Variants in RP1 observed in about 807,000 individuals in gnomAD.
RP1 encodes the protein oxygen-regulated protein 1.
RP1 carries 16 observed loss-of-function variants against 14.8 expected under a neutral mutation model. The ratio of observed to expected loss-of-function variants is 1.08; its 90% CI spans 0.73 to 1.65. The LOEUF (loss-of-function observed/expected upper bound fraction) is 1.65. RP1 is among the 40% of genes most tolerant of loss of function. RP1 has a pLI of 0.00. For synonymous variants in RP1, 876 were observed against 883.6 expected (o/e 0.99, Z 0.15); for missense variants, 2,631 against 2,535.0 (o/e 1.04, Z -0.81).
chr8:54,597,304 G>A (rs1336444932), intron 1 of RP1, among the ~76,000 whole-genome samples: 1 of 152,146 alleles, frequency 6.6e-6, no homozygotes, highest in Non-Finnish European at 1.5e-5. Flanking sequence ...TCCTATAGTT[G>A]TTATGAGGAT....
At chr8:54,759,567 G>A (rs1235280694) in intron 22 of RP1, among the ~76,000 whole-genome samples, 4 of 152,120 alleles carry the variant, frequency 2.6e-5, no homozygotes, top group Non-Finnish European at 4.4e-5. Flanking sequence ...CTAAATTCCT[G>A]ACCTGGCCCT....
Position 54,605,321 on chromosome 8 carries a change from T to C in RP1, c.-12-15634T>C, listed in dbSNP as rs183837146. On this transcript the variant is annotated intron_variant, in intron 1 of 22. Transcript: ENST00000636932. ...ACCCAGTAGTCATTCAGGAGCAGGT[T>C]GTTCAATTTCCATGTAGTTGAGCGG... Among the ~76,000 whole-genome samples the C allele has an allele frequency of 2.0e-3, 302 of 152,358 alleles. 3 individuals carry two copies. The highest frequency in any genetic ancestry group is 6.8e-3 in the African/African-American group (284 of 41,586).
chr8:54,726,300 C>A, intron 16 of RP1: 2 of 1,486,252 alleles, frequency 1.3e-6, no homozygotes, highest in Non-Finnish European at 1.8e-6. Flanking sequence ...TGAGAAGAAA[C>A]AAGTGATTTT....
intron 24 of RP1, among the ~76,000 whole-genome samples, chr8:54,808,228 G>A (rs1810906431): frequency 6.6e-6 from 1 of 152,188 alleles, no homozygotes; most frequent in Non-Finnish European, 1.5e-5. Context: ...CCTTCAAGAA[G>A]CCATTTACCC....
chr8:54,817,121 T>C (rs138402336), intron 24 of RP1, among the ~76,000 whole-genome samples: 168 of 152,276 alleles, frequency 1.1e-3, no homozygotes, highest in Non-Finnish European at 1.7e-3. Context: ...GTGTTCATTG[T>C]CTGTCTTGTC....
intron 1 of RP1, among the ~76,000 whole-genome samples, chr8:54,605,708 T>C (rs747105375): frequency 3.3e-5 from 5 of 152,214 alleles, no homozygotes; most frequent in Non-Finnish European, 7.3e-5. Flanking sequence ...ACTTGCTTTA[T>C]GAATCTGGGT....
intron 24 of RP1, among the ~76,000 whole-genome samples, chr8:54,806,210 G>T (rs920537027): frequency 6.6e-6 from 1 of 152,000 alleles, no homozygotes; most frequent in Non-Finnish European, 1.5e-5. Flanking sequence ...GTAGAAACGG[G>T]GTTTCACTGT....
At chr8:54,696,276 A>G (rs371147062) in intron 12 of RP1, 74 of 345,458 alleles carry the variant, frequency 2.1e-4, no homozygotes, top group Non-Finnish European at 1.9e-4. Flanking sequence ...ATCCTCCTTC[A>G]TTTGGTATAT....
chr8:54,754,816 A>G lies in RP1; in HGVS notation c.2822A>G (p.His941Arg), dbSNP rs760230605. The change falls in exon 20 of 23, where the codon CAT (histidine) becomes CGT (arginine). Residue 941 changes from histidine to arginine, a missense_variant. Coordinates refer to the RP1 transcript ENST00000636932. ...TTCTAATTCCAGGTGACCATGCAAC[A>G]TATGAAAAGCAAGAAGATCCTAGAT... is the stretch of plus-strand genomic sequence containing the variant. 1.8e-4 allele frequency: 274 copies of G among 1,521,346 alleles called. No homozygotes were observed. In the Middle Eastern group the frequency reaches 2.0e-3, roughly 11 times the overall value. The allele number at this position is 1,521,346 out of a possible 1,614,324, so 94.2% of individuals were successfully genotyped here.
chr8:54,617,113 G>A (rs905919952), intron 1 of RP1, among the ~76,000 whole-genome samples: 4 of 152,248 alleles, frequency 2.6e-5, no homozygotes, highest in Admixed American at 1.3e-4. Flanking sequence ...CATTAGAAGC[G>A]GATTTTAAGG....
At chr8:54,598,563 C>CT (rs1347625567) in intron 1 of RP1, among the ~76,000 whole-genome samples, 1 of 151,974 alleles carries the variant, frequency 6.6e-6, no homozygotes, top group African/African-American at 2.4e-5. Flanking sequence ...TTCTGTTGTC[C>CT]TTTTTTCTTT....
chr8:54,807,674 CTATT>C (rs1345996544), intron 24 of RP1, among the ~76,000 whole-genome samples: 3 of 75,902 alleles, frequency 4.0e-5, no homozygotes, highest in Non-Finnish European at 7.9e-5. Flanking sequence ...ATCTATCTAT[CTATT>C]TATCTATCTC....
chr8:54,573,603 C>T (rs983631795), intron 1 of RP1, among the ~76,000 whole-genome samples: 5 of 151,896 alleles, frequency 3.3e-5, no homozygotes, highest in South Asian at 2.1e-4. Flanking sequence ...TAGAATTTTC[C>T]GTTTTGCAAA....
intron 1 of RP1, among the ~76,000 whole-genome samples, chr8:54,571,577 A>G (rs1230663197): frequency 1.3e-5 from 2 of 152,210 alleles, no homozygotes; most frequent in Admixed American, 1.3e-4. Flanking sequence ...GTTAAGATCC[A>G]TCAGCTCAAG....
At chr8:54,719,869 C>A (rs183421392) in intron 15 of RP1, among the ~76,000 whole-genome samples, 2 of 152,306 alleles carry the variant, frequency 1.3e-5, no homozygotes, top group Admixed American at 1.3e-4. Context: ...ATATACAACA[C>A]TCTCCTTAGT....
exon 27 of RP1, chr8:54,857,039 T>C: frequency 1.7e-6 from 2 of 1,178,394 alleles, no homozygotes; most frequent in Non-Finnish European, 2.1e-6. Flanking sequence ...TTGATATTTT[T>C]TCCATTAAGG....
intron 8 of RP1, among the ~76,000 whole-genome samples, chr8:54,676,063 A>G (rs1233076167): frequency 6.6e-6 from 1 of 152,076 alleles, no homozygotes; most frequent in African/African-American, 2.4e-5. Flanking sequence ...ATGAGGGCTG[A>G]GCCCTCATGA....
At chr8:54,836,592 T>C (rs1811661931) in intron 24 of RP1, among the ~76,000 whole-genome samples, 1 of 152,178 alleles carries the variant, frequency 6.6e-6, no homozygotes, top group African/African-American at 2.4e-5. Context: ...AACTCAATCC[T>C]ACAGCCTCAA....
At chr8:54,609,990 A>G (rs1034082695) in intron 1 of RP1, among the ~76,000 whole-genome samples, 3 of 152,190 alleles carry the variant, frequency 2.0e-5, no homozygotes, top group Non-Finnish European at 2.9e-5. Flanking sequence ...GGAAAAACAA[A>G]CTAACAGAAA....
Sources: gnomAD v4.1 joint callset for allele counts (sites outside exome capture counted in the v4.1 genomes callset) on GRCh38, gnomAD v4.1.1 for gene constraint, MANE v1.5 for transcripts, NCBI Gene and HGNC (gene_info 2026-07-23, HGNC 2026-07-21) for gene names.